The following PTPRD variants were observed in gnomAD, a reference collection of about 807,000 sequenced individuals.
PTPRD encodes the protein protein tyrosine phosphatase receptor type D.
PTPRD carries 34 observed loss-of-function variants against 214.5 expected under a neutral mutation model. The ratio of observed to expected loss-of-function variants is 0.16; its 90% confidence interval spans 0.12 to 0.21. The LOEUF is 0.21. Among genes scored for constraint, PTPRD ranks in the 10% least tolerant of loss-of-function variants. The probability of loss-of-function intolerance (pLI) is 1.00; values close to 1 mark genes in which losing one functional copy is unlikely to be tolerated. For synonymous variants in PTPRD, 1,128 were observed against 845.7 expected (o/e 1.33, Z -5.79); for missense variants, 2,545 against 2,398.7 (o/e 1.06, Z -1.27).
intron 8 of PTPRD, among the ~76,000 whole-genome samples, chr9:9,558,432 T>C (rs371300054): frequency 4.6e-5 from 7 of 152,158 alleles, no homozygotes; most frequent in Admixed American, 3.9e-4. Context: ...GAGGGAGACA[T>C]AGGGCTTGGA....
At chr9:9,316,254 GTC>G (rs1253043944) in intron 9 of PTPRD, among the ~76,000 whole-genome samples, 4 of 151,392 alleles carry the variant, frequency 2.6e-5, no homozygotes, top group East Asian at 1.9e-4. Context: ...CTCCCCTACC[GTC>G]TCTCTTATAC....
chr9:9,467,429 A>G (rs547519212), intron 8 of PTPRD, among the ~76,000 whole-genome samples: 1 of 151,240 alleles, frequency 6.6e-6, no homozygotes, highest in Admixed American at 6.6e-5. Context: ...TCTACTAAAA[A>G]TTCAAAAAAT....
At chr9:9,733,755 C>A (rs1034441760) in intron 7 of PTPRD, among the ~76,000 whole-genome samples, 1 of 152,080 alleles carries the variant, frequency 6.6e-6, no homozygotes, top group Non-Finnish European at 1.5e-5. Flanking sequence ...AGTCTACACA[C>A]GTATCTAAGC....
At chr9:10,271,996 A>G (rs1032499173) in intron 3 of PTPRD, among the ~76,000 whole-genome samples, 1 of 152,118 alleles carries the variant, frequency 6.6e-6, no homozygotes, top group Non-Finnish European at 1.5e-5. Flanking sequence ...TCATCCATTT[A>G]AAATATGAAT....
chr9:9,359,998 G>C (rs1365161159), intron 9 of PTPRD, among the ~76,000 whole-genome samples: 1 of 151,196 alleles, frequency 6.6e-6, no homozygotes, highest in African/African-American at 2.4e-5. Flanking sequence ...CTCTAGTAAG[G>C]ATGCTTCAGT....
At chr9:10,073,041 T>G (rs953368507) in intron 3 of PTPRD, among the ~76,000 whole-genome samples, 1 of 152,070 alleles carries the variant, frequency 6.6e-6, no homozygotes, top group Non-Finnish European at 1.5e-5. Flanking sequence ...ATTAATACAT[T>G]TTGCTAAGTG....
intron 44 of PTPRD, among the ~76,000 whole-genome samples, chr9:8,324,271 C>A (rs1354385262): frequency 1.3e-5 from 2 of 152,082 alleles, no homozygotes; most frequent in Non-Finnish European, 1.5e-5. Context: ...CCCTGGCAGG[C>A]CCTGGTGTGT....
intron 11 of PTPRD, among the ~76,000 whole-genome samples, chr9:8,863,069 TAATA>T (rs549344010): frequency 7.1e-6 from 1 of 140,024 alleles, no homozygotes; most frequent in Admixed American, 6.9e-5. Flanking sequence ...AGTATAATAA[TAATA>T]AAAAAAAGAA....
chr9:9,789,572 C>A (rs369365711), intron 5 of PTPRD, among the ~76,000 whole-genome samples: 3 of 151,796 alleles, frequency 2.0e-5, no homozygotes, highest in East Asian at 2.0e-4. Flanking sequence ...CCGAGGCGGG[C>A]GGATCAGGAG....
chr9:9,437,567 G>C lies in PTPRD; in HGVS notation c.-236-40085C>G, dbSNP rs142619982. ...TTTTTCTGTTTTAGTAGTCCTGCTT[G>C]AGGGTTCTTCCATCTTGGGAATTAG... On this transcript the variant is annotated intron_variant, in intron 8 of 45. Transcript: ENST00000381196. Among the ~76,000 whole-genome samples, 7 of 152,246 alleles carry C rather than the reference G, an allele frequency of 4.6e-5. No individual in the cohort carries two copies. In the East Asian group the frequency reaches 1.4e-3, roughly 29 times the overall value.
intron 2 of PTPRD, among the ~76,000 whole-genome samples, chr9:10,482,329 C>T (rs575122254): frequency 3.2e-4 from 48 of 152,092 alleles, no homozygotes; most frequent in African/African-American, 1.0e-3. Flanking sequence ...CGAGATGGCG[C>T]CACTGCACTC....
rs575331525 is a variant in PTPRD, at chr9:10,240,002, G to A, written c.-545+100961C>T. ...AAGAGATTAAGACCTTCATTCCAGA[G>A]GGTCCTACCCCATACTGAGGAGGGA... is the stretch of plus-strand genomic sequence containing the variant. On this transcript the variant is annotated intron_variant, in intron 3 of 45. Coordinates refer to ENST00000381196, the MANE Select transcript of PTPRD (RefSeq NM_002839.4). Among the ~76,000 whole-genome samples, 15 of 152,028 alleles carry A rather than the reference G, an allele frequency of 9.9e-5. No homozygotes were observed. The East Asian group carries it at 2.3e-3, about 24-fold the overall frequency.
rs559096677 is a variant in PTPRD at position 9,454,081 on chromosome 9, G to T, written c.-236-56599C>A. Among the ~76,000 whole-genome samples the T allele has an allele frequency of 2.7e-5, 4 of 150,652 alleles. No individual in the cohort carries two copies. The South Asian group carries it at 8.4e-4, about 31-fold the overall frequency. On this transcript the variant is annotated intron_variant, in intron 8 of 45. Transcript: ENST00000381196. The stretch of plus-strand genomic sequence containing the variant: ...AAGAATTTCACGACAGATTCTTACA[G>T]AAAAAAAAGTGTAAGACAATGTTTA...
chr9:9,715,452 C>A (rs1012229652), intron 7 of PTPRD, among the ~76,000 whole-genome samples: 1 of 151,754 alleles, frequency 6.6e-6, no homozygotes, highest in South Asian at 2.1e-4. Flanking sequence ...CGTATTAGTG[C>A]CTTGGTGGGA....
chr9:9,681,393 T>A (rs2097067727), intron 7 of PTPRD, among the ~76,000 whole-genome samples: 1 of 151,714 alleles, frequency 6.6e-6, no homozygotes, highest in Middle Eastern at 3.2e-3. Context: ...TCCTCTTTCA[T>A]TATCTCCTCT....
At chr9:8,999,859 AG>A (rs2099410867) in intron 11 of PTPRD, among the ~76,000 whole-genome samples, 1 of 152,006 alleles carries the variant, frequency 6.6e-6, no homozygotes. Context: ...TTTGTGGAAC[AG>A]GGGGATGGGG....
chr9:8,807,845 A>G lies in PTPRD; in HGVS notation c.-103-73899T>C, dbSNP rs141093568. Among the ~76,000 whole-genome samples, 730 of 152,272 alleles carry G rather than the reference A, an allele frequency of 4.8e-3. 9 individuals carry two copies. The highest frequency in any genetic ancestry group is 0.016 in the African/African-American group (679 of 41,560). On this transcript the variant is annotated intron_variant, in intron 11 of 45. Coordinates refer to ENST00000381196, the MANE Select transcript of PTPRD (RefSeq NM_002839.4). The stretch of plus-strand genomic sequence containing the variant: ...AGATGAACCTTTAATAAAATATACA[A>G]TGAAGGTGGGCAACAGTGGTATGTA...
At chr9:8,350,385 G>C (rs989651569) in intron 39 of PTPRD, among the ~76,000 whole-genome samples, 1 of 152,104 alleles carries the variant, frequency 6.6e-6, no homozygotes. Flanking sequence ...AAATCATTGT[G>C]AGCATTTTGT....
chr9:10,087,140 T>G (rs76210226), intron 3 of PTPRD, among the ~76,000 whole-genome samples: 2,804 of 150,652 alleles, frequency 0.019, 36 homozygotes, highest in African/African-American at 0.032. Flanking sequence ...TTTTAGAGTT[T>G]TTTTTTTTTT....
Sources: gnomAD v4.1 joint callset for allele counts (sites outside exome capture counted in the v4.1 genomes callset) on GRCh38, gnomAD v4.1.1 for gene constraint, MANE v1.5 for transcripts, NCBI Gene and HGNC (gene_info 2026-07-23, HGNC 2026-07-21) for gene names.